GABBR2: variants seen among roughly 807,000 people sequenced by gnomAD.
GABBR2 encodes the protein G-protein coupled receptor 51.
Under a neutral mutation model 105.6 loss-of-function variants are expected in GABBR2, and 23 were observed. The ratio of observed to expected loss-of-function variants is 0.22; its 90% confidence interval spans 0.16 to 0.31. GABBR2 has a LOEUF of 0.31. GABBR2 is among the 10% of genes least tolerant of loss of function. The pLI is 1.00. For synonymous variants in GABBR2, 478 were observed against 499.7 expected, an observed-to-expected ratio of 0.96 and a Z score of 0.58; for missense variants, 734 against 1,245.5, an observed-to-expected ratio of 0.59 and a Z score of 6.18.
chr9:98,549,523 C>T (rs1050316329), intron 2 of GABBR2, among the ~76,000 whole-genome samples: 2 of 152,196 alleles, frequency 1.3e-5, no homozygotes, highest in African/African-American at 4.8e-5. Flanking sequence ...ATTTAAACCA[C>T]AAGGTGGTGT....
intron 7 of GABBR2, among the ~76,000 whole-genome samples, chr9:98,433,511 A>G (rs1825847898): frequency 6.6e-6 from 1 of 152,216 alleles, no homozygotes; most frequent in Non-Finnish European, 1.5e-5. Context: ...CCTCTACCTT[A>G]TGTTAGGCAA....
intron 2 of GABBR2, among the ~76,000 whole-genome samples, chr9:98,549,748 G>A (rs985935039): frequency 6.6e-6 from 1 of 152,196 alleles, no homozygotes; most frequent in African/African-American, 2.4e-5. Context: ...TTGAGCAGTT[G>A]CCCAGGGAGT....
intron 7 of GABBR2, among the ~76,000 whole-genome samples, chr9:98,415,827 T>C (rs1390331581): frequency 6.6e-6 from 1 of 152,288 alleles, no homozygotes; most frequent in East Asian, 1.9e-4. Flanking sequence ...ACCTCAGTTG[T>C]GTCAACTTTA....
intron 1 of GABBR2, among the ~76,000 whole-genome samples, chr9:98,660,812 C>T (rs1830249366): frequency 6.6e-6 from 1 of 152,200 alleles, no homozygotes; most frequent in Non-Finnish European, 1.5e-5. Flanking sequence ...CCCGTGTCTC[C>T]TACTACTCAC....
At chr9:98,405,993 C>T in intron 8 of GABBR2, 88 bp downstream of exon 8, 1 of 775,402 alleles carries the variant, frequency 1.3e-6, no homozygotes, top group South Asian at 1.5e-5. Context: ...ATCACACTTG[C>T]ATTCCTTTTG....
At chr9:98,606,483 CTT>C (rs11452013) in intron 1 of GABBR2, among the ~76,000 whole-genome samples, 7 of 130,482 alleles carry the variant, frequency 5.4e-5, no homozygotes, top group Non-Finnish European at 6.3e-5. Context: ...TTTTTTTTTT[CTT>C]TTTTTTTTTT....
intron 1 of GABBR2, among the ~76,000 whole-genome samples, chr9:98,665,663 C>T (rs1830324150): frequency 6.6e-6 from 1 of 152,202 alleles, no homozygotes. Context: ...ATGCCATCTG[C>T]AGCAGAGAAC....
chr9:98,574,297 T>C (rs866921558), intron 2 of GABBR2, among the ~76,000 whole-genome samples: 1 of 152,246 alleles, frequency 6.6e-6, no homozygotes, highest in South Asian at 2.1e-4. Context: ...GCAGAACTTA[T>C]AGTATGCAAT....
intron 2 of GABBR2, among the ~76,000 whole-genome samples, chr9:98,551,528 G>A (rs1828485586): frequency 6.6e-6 from 1 of 152,190 alleles, no homozygotes; most frequent in African/African-American, 2.4e-5. Flanking sequence ...GACCAGGGAG[G>A]GAACAATTTA....
intron 1 of GABBR2, among the ~76,000 whole-genome samples, chr9:98,584,323 T>C (rs892284911): frequency 6.6e-6 from 1 of 152,318 alleles, no homozygotes; most frequent in South Asian, 2.1e-4. Flanking sequence ...CTCTAGCACA[T>C]AGTAGGTGCT....
At chr9:98,432,089 T>A (rs1825822837) in intron 7 of GABBR2, among the ~76,000 whole-genome samples, 1 of 152,252 alleles carries the variant, frequency 6.6e-6, no homozygotes, top group African/African-American at 2.4e-5. Context: ...AGAGACAGGG[T>A]TTCACCATGT....
In GABBR2 at chr9:98,352,006, T is replaced by C. The variant is rs150691018; in HGVS notation, c.1893+10709A>G. ...ATAATTTTTCCTGTACATGTGTCTA[T>C]AGTGTTGGCTGGGTAGGGTACTTTG... On this transcript the variant is annotated intron_variant, in intron 13 of 18. Transcript: ENST00000259455. Among the ~76,000 whole-genome samples the C allele has an allele frequency of 6.6e-5, 10 of 152,370 alleles. No individual in the cohort carries two copies. In the East Asian group the frequency reaches 1.3e-3, roughly 21 times the overall value.
chr9:98,457,608 C>T (rs575590977), intron 6 of GABBR2, among the ~76,000 whole-genome samples: 9 of 152,310 alleles, frequency 5.9e-5, no homozygotes, highest in East Asian at 3.9e-4. Flanking sequence ...ACTGGAAACA[C>T]GGCTCTTTAC....
chr9:98,706,244 C>G lies in GABBR2; in HGVS notation c.321+2173G>C, dbSNP rs1049742995. 2.0e-5 allele frequency among the ~76,000 whole-genome samples: 3 copies of G among 152,098 alleles called. No individual in the cohort carries two copies. The East Asian group carries it at 5.8e-4, about 29-fold the overall frequency. On this transcript the variant is annotated intron_variant, in intron 1 of 18. Coordinates refer to ENST00000259455, the MANE Select transcript of GABBR2 (RefSeq NM_005458.8). ...ATCTTCTACCCTGGCCTGTTATCTT[C>G]CTTAAGCTGTGTGTCACCTGCAGAG...
At chr9:98,609,902 G>A (rs1425941775) in intron 1 of GABBR2, among the ~76,000 whole-genome samples, 1 of 152,228 alleles carries the variant, frequency 6.6e-6, no homozygotes, top group Non-Finnish European at 1.5e-5. Flanking sequence ...GCTTGCCATC[G>A]AAGCACTGGG....
At chr9:98,576,329 A>C (rs1398186701) in intron 2 of GABBR2, among the ~76,000 whole-genome samples, 2 of 152,148 alleles carry the variant, frequency 1.3e-5, no homozygotes, top group Admixed American at 1.3e-4. Flanking sequence ...TCCTATCACA[A>C]GCTGCCTTCC....
At chr9:98,377,679 T>G (rs1291657987) in intron 11 of GABBR2, among the ~76,000 whole-genome samples, 1 of 152,106 alleles carries the variant, frequency 6.6e-6, no homozygotes, top group Non-Finnish European at 1.5e-5. Flanking sequence ...GTGGCCCACA[T>G]GTGGGGTGTC....
chr9:98,650,956 C>T (rs1340193804), intron 1 of GABBR2, among the ~76,000 whole-genome samples: 3 of 151,932 alleles, frequency 2.0e-5, no homozygotes, highest in Non-Finnish European at 4.4e-5. Context: ...ACAGAGTTTC[C>T]GTTTGAGATG....
chr9:98,632,608 C>CA (rs1829828842), intron 1 of GABBR2, among the ~76,000 whole-genome samples: 1 of 152,150 alleles, frequency 6.6e-6, no homozygotes, highest in South Asian at 2.1e-4. Context: ...AAAACCCGGC[C>CA]ATCATGCTGG....
Sources: allele counts gnomAD v4.1 joint callset (sites outside exome capture counted in the v4.1 genomes callset), GRCh38; gene constraint gnomAD v4.1.1; transcripts MANE v1.5; gene names NCBI Gene and HGNC (gene_info 2026-07-23, HGNC 2026-07-21).